ADRM1: variants seen among roughly 807,000 people sequenced by gnomAD.
The protein encoded by ADRM1 is proteasomal ubiquitin receptor ADRM1.
A neutral mutation model predicts 40.1 loss-of-function variants in ADRM1; 2 were observed. The ratio of observed to expected loss-of-function variants is 0.05; its 90% CI spans 0.02 to 0.16. ADRM1 has a LOEUF of 0.16. ADRM1 is among the 10% of genes least tolerant of loss of function. The pLI is 1.00. For synonymous variants in ADRM1, 287 were observed against 240.4 expected, an observed-to-expected ratio of 1.19 and a Z score of -1.79; for missense variants, 467 against 552.5, an observed-to-expected ratio of 0.85 and a Z score of 1.55.
chr20:62,303,554 C>T lies in ADRM1; in HGVS notation c.-1-14C>T. 6.4e-7 allele frequency: 1 copy of T among 1,560,836 alleles called. No individual in the cohort carries two copies. Among genetic ancestry groups the T allele is most frequent in the South Asian group, 1.1e-5 (1 of 87,630 alleles). On this transcript the variant is annotated splice_polypyrimidine_tract_variant and intron_variant, in intron 1 of 9. Transcript: ENST00000253003. Reference sequence around the variant, plus strand: ...AGTGACCGCCGCGTCTCAGCGTCCTCTCCGCGCTTTCAGGATGACGACCTC... The same window carrying T: ...AGTGACCGCCGCGTCTCAGCGTCCTTTCCGCGCTTTCAGGATGACGACCTC...
chr20:62,304,585 G>A lies in ADRM1; in HGVS notation c.330+8G>A, dbSNP rs1984611885. 1.9e-6 allele frequency: 3 copies of A among 1,612,814 alleles called. No homozygotes were observed. The highest frequency in any genetic ancestry group is 2.5e-6 in the Non-Finnish European group (3 of 1,178,952). ...CTTTTCTTCTGGATGCAGGTATGGG[G>A]CAGGCCTTGGGGTTGTGCCTTTTTG... On this transcript the variant is annotated splice_region_variant and intron_variant, in intron 3 of 9. Transcript: ENST00000253003.
chr20:62,308,087 A>G lies in ADRM1; in HGVS notation c.923A>G (p.Glu308Gly). The change falls in exon 8 of 10, where the codon GAG becomes GGG. Residue 308 changes from glutamate to glycine, a missense_variant. This residue lies in a region of ADRM1 where 418 missense variants were observed against 474.6 expected (regional missense o/e 0.88). Coordinates refer to ENST00000253003, the MANE Select transcript of ADRM1 (RefSeq NM_007002.4). Reference protein sequence around the residue: ...APILANADVQERLLPYLPSGE... With the variant: ...APILANADVQGRLLPYLPSGE... Reference sequence around the variant, plus strand: ...ATCCTCGCCAACGCGGATGTCCAGGAGCGCCTGCTTCCCTACTTGCCATCT... The same window carrying G: ...ATCCTCGCCAACGCGGATGTCCAGGGGCGCCTGCTTCCCTACTTGCCATCT... The G allele has an allele frequency of 1.2e-6, 2 of 1,611,658 alleles. No individual in the cohort carries two copies. Among genetic ancestry groups the G allele is most frequent in the Non-Finnish European group, 1.7e-6 (2 of 1,179,806 alleles).
In ADRM1 at chr20:62,306,750, C is replaced by T. The variant is rs374414460; in HGVS notation, c.541+16C>T. Reference sequence around the variant, plus strand: ...GGAGGACTGGGTAACGTGCGCCACCCGGGCTCTCGGGCAGCTTCTGCTGGG... The same window carrying T: ...GGAGGACTGGGTAACGTGCGCCACCTGGGCTCTCGGGCAGCTTCTGCTGGG... On this transcript the variant is annotated intron_variant, in intron 5 of 9. Coordinates refer to ENST00000253003, the MANE Select transcript of ADRM1 (RefSeq NM_007002.4). The T allele has an allele frequency of 2.7e-5, 43 of 1,583,648 alleles. No individual in the cohort carries two copies. The highest frequency in any genetic ancestry group is 2.5e-4 in the South Asian group (22 of 87,706).
chr20:62,307,514 C>A (rs116177183), intron 6 of ADRM1, 62 bp downstream of exon 6: 2 of 1,598,770 alleles, frequency 1.3e-6, no homozygotes, highest in African/African-American at 2.7e-5. Context: ...AGTGGGGAAT[C>A]CTGGCCCAGC....
At position 62,308,009 on chromosome 20, in the gene ADRM1, C is replaced by G. The variant is rs1199962117; in HGVS notation, c.857-12C>G. ...CTGTCATCGAGCTGATGGCCGTGTT[C>G]TTGTGCCCCAGTGGACCTGGCCAGT... On this transcript the variant is annotated splice_polypyrimidine_tract_variant and intron_variant, in intron 7 of 9. Transcript: ENST00000253003. 4 of 1,604,648 alleles carry G rather than the reference C, an allele frequency of 2.5e-6. No individual in the cohort carries two copies. The highest frequency in any genetic ancestry group is 3.3e-5 in the Admixed American group (2 of 59,764).
intron 6 of ADRM1, 48 bp from the exon 7 acceptor site, chr20:62,307,548 C>T (rs1429042030): frequency 1.2e-6 from 2 of 1,601,298 alleles, no homozygotes; most frequent in Middle Eastern, 1.7e-4. Context: ...CGAGTAGGCC[C>T]TGCCGTGTGG....
Position 62,308,120 on chromosome 20 carries a change from C to T in ADRM1, c.956C>T (p.Ser319Leu), listed in dbSNP as rs578081411. The change falls in exon 8 of 10, where the codon TCG (serine) becomes TTG (leucine). Residue 319 changes from serine to leucine, a missense_variant. Around this residue, in one of 3 missense-constraint regions of ADRM1, gnomAD observed 418 missense variants for 474.6 expected, o/e 0.88. Coordinates refer to ENST00000253003, the MANE Select transcript of ADRM1 (RefSeq NM_007002.4). ...CTTCCCTACTTGCCATCTGGGGAGT[C>T]GCTGCCGCAGACCGCGGATGAGATC... ...RLLPYLPSGE[S>L]LPQTADEIQN... 20 of 1,610,684 alleles carry T rather than the reference C, an allele frequency of 1.2e-5. No individual in the cohort carries two copies. The highest frequency in any genetic ancestry group is 4.0e-5 in the African/African-American group (3 of 75,078).
At chr20:62,303,451 TGCCTTAG>T in intron 1 of ADRM1, 110 bp from the exon 2 acceptor site, 1 of 1,041,938 alleles carries the variant, frequency 9.6e-7, no homozygotes, top group Non-Finnish European at 1.4e-6. Context: ...TGTCTGAGTC[TGCCTTAG>T]GCAGCTCTGG....
intron 7 of ADRM1, 47 bp from the exon 8 acceptor site, chr20:62,307,974 G>T: frequency 6.3e-7 from 1 of 1,585,094 alleles, no homozygotes; most frequent in Non-Finnish European, 8.6e-7. Flanking sequence ...CTTCCATGTG[G>T]GCACTTAGGC....
Position 62,306,309 on chromosome 20 carries a change from C to T in ADRM1, c.443C>T (p.Ser148Phe). ...AGCGGAAGCAGCGGCCACGAACTCT[C>T]TGCGCTAGGCGGTAACTGTCACATG... ...GASGSSGHEL[S>F]ALGGEGGLQS... Residue 148 changes from serine to phenylalanine, a missense_variant, in exon 4 of 10, where the codon TCT (serine) becomes TTT (phenylalanine). By Grantham distance (155) the Ser-to-Phe change is radical. This residue lies in a region of ADRM1 where 418 missense variants were observed against 474.6 expected (regional missense o/e 0.88). Transcript: ENST00000253003. The T allele has an allele frequency of 6.2e-7, 1 of 1,612,796 alleles. No individual in the cohort carries two copies. Among genetic ancestry groups the T allele is most frequent in the Non-Finnish European group, 8.5e-7 (1 of 1,179,860 alleles).
chr20:62,308,612 G>T, intron 9 of ADRM1, 43 bp from the exon 10 acceptor site: 2 of 1,608,250 alleles, frequency 1.2e-6, no homozygotes, highest in Middle Eastern at 1.7e-4. Context: ...CCCCAGTTCT[G>T]GGCAAGGGTT....
At chr20:62,307,112 G>C (rs1985113404) in intron 5 of ADRM1, among the ~76,000 whole-genome samples, 1 of 152,214 alleles carries the variant, frequency 6.6e-6, no homozygotes. Context: ...TTGTCCCTTT[G>C]GGTGGGATCT....
chr20:62,307,166 T>C (rs1985128789), intron 5 of ADRM1, among the ~76,000 whole-genome samples: 1 of 152,190 alleles, frequency 6.6e-6, no homozygotes, highest in Admixed American at 6.5e-5. Flanking sequence ...TGTAATGGGA[T>C]GGAACAGAAA....
At position 62,307,400 on chromosome 20, in the gene ADRM1, C is replaced by A; in HGVS notation, c.571C>A (p.Leu191Met). The A allele has an allele frequency of 6.2e-7, 1 of 1,605,426 alleles. No individual in the cohort carries two copies. ...GGLGALTGPG[L>M]ASLLGSSGPP... ...GCTGGGGGCCCTGACTGGACCTGGC[C>A]TGGCCAGCTTACTGGGGAGCAGTGG... is the stretch of plus-strand genomic sequence containing the variant. The change falls in exon 6 of 10, where the codon CTG becomes ATG. Residue 191 changes from leucine to methionine, a missense_variant. Around this residue, in one of 3 missense-constraint regions of ADRM1, gnomAD observed 418 missense variants for 474.6 expected, o/e 0.88. Transcript: ENST00000253003.
Position 62,308,395 on chromosome 20 carries a change from G to A in ADRM1, c.1042G>A (p.Ala348Thr). The change falls in exon 9 of 10, where the codon GCC (alanine) becomes ACC (threonine). Residue 348 changes from alanine (A) to threonine (T), a missense_variant. This residue lies in a region of ADRM1 where 418 missense variants were observed against 474.6 expected (regional missense o/e 0.88). Coordinates refer to ENST00000253003, the MANE Select transcript of ADRM1 (RefSeq NM_007002.4). ...QALGMFSAALASGQLGPLMCQ... is the reference protein window; with the variant it reads ...QALGMFSAALTSGQLGPLMCQ... Reference sequence around the variant, plus strand: ...CCTGGGCATGTTCAGCGCAGCCTTGGCCTCGGGGCAGCTGGGCCCCCTCAT... The same window carrying A: ...CCTGGGCATGTTCAGCGCAGCCTTGACCTCGGGGCAGCTGGGCCCCCTCAT... 1 of 1,608,016 alleles carries A rather than the reference G, an allele frequency of 6.2e-7. No homozygotes were observed. The highest frequency in any genetic ancestry group is 8.5e-7 in the Non-Finnish European group (1 of 1,178,722).
chr20:62,307,664 C>G lies in ADRM1; in HGVS notation c.692C>G (p.Pro231Arg), dbSNP rs373938952. ...TTSSTRATPAPSAPAAASATS... is the reference protein window; with the variant it reads ...TTSSTRATPARSAPAAASATS... ...TCTTCCACCCGTGCCACCCCAGCCC[C>G]TTCTGCTCCAGCAGCTGCCTCAGCA... is the stretch of plus-strand genomic sequence containing the variant. Residue 231 changes from proline (P) to arginine (R), a missense_variant, in exon 7 of 10, where the codon CCT becomes CGT. Physicochemically the swap from Pro to Arg is moderately radical, Grantham distance 103 (BLOSUM62 -2). Around this residue, in one of 3 missense-constraint regions of ADRM1, gnomAD observed 418 missense variants for 474.6 expected, o/e 0.88. Coordinates refer to ENST00000253003, the MANE Select transcript of ADRM1 (RefSeq NM_007002.4). 1 of 1,612,190 alleles carries G rather than the reference C, an allele frequency of 6.2e-7. No homozygotes were observed. Among genetic ancestry groups the G allele is most frequent in the African/African-American group, 1.3e-5 (1 of 74,932 alleles).
intron 2 of ADRM1, 101 bp downstream of exon 2, chr20:62,303,882 C>G (rs1250832143): frequency 1.7e-6 from 2 of 1,208,896 alleles, no homozygotes; most frequent in African/African-American, 1.5e-5. Flanking sequence ...ATCTGGGGAC[C>G]GCTCGTGGGG....
At chr20:62,306,375 C>T in intron 4 of ADRM1, 55 bp downstream of exon 4, 3 of 1,611,078 alleles carry the variant, frequency 1.9e-6, no homozygotes, top group Non-Finnish European at 2.5e-6. Context: ...CCAGAGTCTA[C>T]TGTGGATGAC....
chr20:62,303,727 C>A lies in ADRM1; in HGVS notation c.159C>A (p.Asp53Glu). Residue 53 changes from aspartate to glutamate, a missense_variant, in exon 2 of 10, where the codon GAC (aspartate) becomes GAA (glutamate). Coordinates refer to ENST00000253003, the MANE Select transcript of ADRM1 (RefSeq NM_007002.4). ...GGCTGGTGTACATTCAGCAGACGGA[C>A]GACTCGCTTATTCACTTCTGCTGGA... is the stretch of plus-strand genomic sequence containing the variant. Reference protein sequence around the residue: ...RKGLVYIQQTDDSLIHFCWKD... With the variant: ...RKGLVYIQQTEDSLIHFCWKD... 1 of 1,612,368 alleles carries A rather than the reference C, an allele frequency of 6.2e-7. No individual in the cohort carries two copies. Among genetic ancestry groups the A allele is most frequent in the Non-Finnish European group, 8.5e-7 (1 of 1,179,976 alleles).
Sources: allele counts gnomAD v4.1 joint callset (sites outside exome capture counted in the v4.1 genomes callset), GRCh38; gene constraint gnomAD v4.1.1; regional missense constraint gnomAD v4.1.1; transcripts MANE v1.5; gene names NCBI Gene and HGNC (gene_info 2026-07-23, HGNC 2026-07-21).